DNMBP: variants seen among roughly 807,000 people sequenced by gnomAD.
The protein encoded by DNMBP is dynamin binding protein, also known as dynamin-binding protein.
Under a neutral mutation model 150.0 loss-of-function variants are expected in DNMBP, and 87 were observed. The observed-to-expected ratio is 0.58, with a 90% CI of 0.49 to 0.69. The LOEUF is 0.69. Ranked by LOEUF, DNMBP falls within the 30% of genes least tolerant of loss-of-function variation. The pLI, the probability that DNMBP is intolerant of heterozygous loss-of-function variation, is 0.00. For synonymous variants in DNMBP, 711 were observed against 750.4 expected, an observed-to-expected ratio of 0.95 and a Z score of 0.86; for missense variants, 1,774 against 1,949.0, an observed-to-expected ratio of 0.91 and a Z score of 1.69.
At chr10:99,938,148 A>G (rs1364296815) in intron 4 of DNMBP, among the ~76,000 whole-genome samples, 2 of 152,232 alleles carry the variant, frequency 1.3e-5, no homozygotes, top group African/African-American at 4.8e-5. Flanking sequence ...TAGCAACTTG[A>G]TATCTTTGAT....
At chr10:99,937,491 G>A (rs1299070348) in intron 4 of DNMBP, among the ~76,000 whole-genome samples, 2 of 152,194 alleles carry the variant, frequency 1.3e-5, no homozygotes, top group Non-Finnish European at 2.9e-5. Flanking sequence ...CAGGGCCACA[G>A]TTTGAACCCA....
intron 1 of DNMBP, among the ~76,000 whole-genome samples, chr10:99,992,409 TTAAC>T (rs1001297071): frequency 6.6e-6 from 1 of 152,092 alleles, no homozygotes; most frequent in Non-Finnish European, 1.5e-5. Flanking sequence ...TCTCTGTGTC[TTAAC>T]TTTCTTATCT....
intron 1 of DNMBP, among the ~76,000 whole-genome samples, chr10:99,973,575 C>G (rs1336030358): frequency 6.6e-6 from 1 of 152,178 alleles, no homozygotes; most frequent in Non-Finnish European, 1.5e-5. Context: ...AGCAGCAGGG[C>G]CAGAACTCAA....
intron 4 of DNMBP, among the ~76,000 whole-genome samples, chr10:99,944,969 C>A (rs1015160631): frequency 7.9e-5 from 12 of 152,120 alleles, no homozygotes; most frequent in African/African-American, 2.9e-4. Flanking sequence ...TCCTAAAGAA[C>A]TCCCGAGGGT....
At chr10:99,922,403 G>A (rs781685185) in intron 4 of DNMBP, among the ~76,000 whole-genome samples, 1 of 151,488 alleles carries the variant, frequency 6.6e-6, no homozygotes, top group African/African-American at 2.4e-5. Flanking sequence ...AGAGGCCTGG[G>A]GTCTCCCCAG....
chr10:99,959,835 A>G (rs1216558597), intron 3 of DNMBP, among the ~76,000 whole-genome samples: 1 of 149,406 alleles, frequency 6.7e-6, no homozygotes, highest in Non-Finnish European at 1.5e-5. Flanking sequence ...GGCCCGGGCA[A>G]CAGAGTGAGA....
chr10:99,994,575 C>G (rs1430756491), intron 1 of DNMBP, among the ~76,000 whole-genome samples: 1 of 152,154 alleles, frequency 6.6e-6, no homozygotes, highest in African/African-American at 2.4e-5. Flanking sequence ...TGACGTGCCC[C>G]TCTACTCTAA....
At chr10:99,958,599 A>G (rs1392493722) in intron 3 of DNMBP, among the ~76,000 whole-genome samples, 1 of 152,230 alleles carries the variant, frequency 6.6e-6, no homozygotes, top group Non-Finnish European at 1.5e-5. Context: ...AGAGAAAATG[A>G]GAATTTTGGA....
chr10:99,877,471 A>T, intron 16 of DNMBP, 135 bp from the exon 17 acceptor site: 1 of 594,302 alleles, frequency 1.7e-6, no homozygotes. Context: ...GGCCAGTGAG[A>T]CAGAGGAACT....
chr10:99,915,286 A>G (rs2039953299), intron 4 of DNMBP, among the ~76,000 whole-genome samples: 1 of 151,508 alleles, frequency 6.6e-6, no homozygotes, highest in South Asian at 2.1e-4. Context: ...GAAGGAAAAC[A>G]CACGAAATTC....
At chr10:99,900,509 A>G (rs765013577) in intron 6 of DNMBP, among the ~76,000 whole-genome samples, 26 of 152,244 alleles carry the variant, frequency 1.7e-4, no homozygotes, top group Non-Finnish European at 2.8e-4. Context: ...AAACACACAC[A>G]CACACAATGT....
intron 4 of DNMBP, chr10:99,927,266 T>A (rs1279140310): frequency 3.3e-5 from 5 of 152,154 alleles, no homozygotes; most frequent in Admixed American, 3.3e-4. Flanking sequence ...GGACTATCAA[T>A]CTGGAACTCA....
chr10:99,927,212 C>T (rs2040089908), intron 4 of DNMBP: 1 of 152,142 alleles, frequency 6.6e-6, no homozygotes. Context: ...GACAATCAAA[C>T]TTGAAGTGTT....
intron 1 of DNMBP, among the ~76,000 whole-genome samples, chr10:99,989,086 T>C (rs551282994): frequency 6.6e-5 from 10 of 152,366 alleles, no homozygotes; most frequent in African/African-American, 2.4e-4. Flanking sequence ...CTCACCCTCT[T>C]GTAGGAATTA....
Position 99,972,016 on chromosome 10 carries a change from C to A in DNMBP, c.109G>T (p.Glu37Ter), listed in dbSNP as rs1241957960. ...TCCTTCTTTCCTAGAAGCCAAAATTCATCCACCACTGCCAGCACCTCAATA... is the reference window on the plus strand; with the variant it reads ...TCCTTCTTTCCTAGAAGCCAAAATTAATCCACCACTGCCAGCACCTCAATA... Reference protein sequence around the residue: ...DIIEVLAVVDEFWLLGKKEDV... With the variant: ...DIIEVLAVVD Residue 37 changes from glutamate to a stop codon, truncating the protein, a stop_gained, in exon 2 of 17, where the codon GAA becomes TAA. Transcript: ENST00000324109. LOFTEE classifies it high-confidence loss of function. 2 of 1,613,946 alleles carry A rather than the reference C, an allele frequency of 1.2e-6. No individual in the cohort carries two copies. The highest frequency in any genetic ancestry group is 1.1e-5 in the South Asian group (1 of 91,072).
intron 1 of DNMBP, among the ~76,000 whole-genome samples, chr10:100,005,786 C>CAAAA (rs1589458237): frequency 1.3e-4 from 13 of 101,064 alleles, no homozygotes; most frequent in African/African-American, 3.9e-4. Flanking sequence ...AAAAAAAAAC[C>CAAAA]AAACTACATA....
intron 3 of DNMBP, chr10:99,958,206 T>C (rs1258313950): frequency 6.6e-6 from 1 of 152,232 alleles, no homozygotes; most frequent in Admixed American, 6.5e-5. Context: ...GAATAGTCAC[T>C]GTATGGTCAT....
At chr10:99,969,088 T>C in intron 3 of DNMBP, 27 bp downstream of exon 3, 2 of 1,608,470 alleles carry the variant, frequency 1.2e-6, no homozygotes, top group Non-Finnish European at 1.7e-6. Flanking sequence ...TAATTTCAAA[T>C]AGTCTACTAT....
At chr10:99,934,038 G>C (rs1335988544) in intron 4 of DNMBP, among the ~76,000 whole-genome samples, 5 of 152,114 alleles carry the variant, frequency 3.3e-5, no homozygotes, top group African/African-American at 9.7e-5. Context: ...GCCCAGCCTT[G>C]TGATTTTTTA....
Sources: gnomAD v4.1 joint callset for allele counts (sites outside exome capture counted in the v4.1 genomes callset) on GRCh38, gnomAD v4.1.1 for gene constraint, MANE v1.5 for transcripts, NCBI Gene and HGNC (gene_info 2026-07-23, HGNC 2026-07-21) for gene names.